CRPPA: variants seen among roughly 807,000 people sequenced by gnomAD.
CRPPA encodes D-ribitol-5-phosphate cytidylyltransferase.
CRPPA carries 43 observed loss-of-function variants against 52.0 expected under a neutral mutation model. The ratio of observed to expected loss-of-function variants is 0.83; its 90% confidence interval spans 0.65 to 1.07. CRPPA has a LOEUF of 1.07. Among genes scored for constraint, CRPPA ranks in the 50% least tolerant of loss-of-function variants. The pLI, the probability that CRPPA is intolerant of heterozygous loss-of-function variation, is 0.00. For synonymous variants in CRPPA, 250 were observed against 203.5 expected, an observed-to-expected ratio of 1.23 and a Z score of -1.94; for missense variants, 629 against 551.7, an observed-to-expected ratio of 1.14 and a Z score of -1.40.
At chr7:16,109,001 A>G (rs1782208604) in intron 9 of CRPPA, among the ~76,000 whole-genome samples, 1 of 151,888 alleles carries the variant, frequency 6.6e-6, no homozygotes, top group East Asian at 1.9e-4. Flanking sequence ...CAAGTGAACA[A>G]TCTAGTGTTA....
intron 3 of CRPPA, among the ~76,000 whole-genome samples, chr7:16,367,835 C>G (rs1351575544): frequency 6.6e-6 from 1 of 152,098 alleles, no homozygotes; most frequent in Non-Finnish European, 1.5e-5. Context: ...TTAAAAAATA[C>G]ACCTTCTCAA....
rs189474637 is a variant in CRPPA, at chr7:16,191,337, G to A, written c.1251+24729C>T. Among the ~76,000 whole-genome samples the A allele has an allele frequency of 1.4e-4, 22 of 152,180 alleles. No homozygotes were observed. In the East Asian group the frequency reaches 3.3e-3, roughly 23 times the overall value. On this transcript the variant is annotated intron_variant, in intron 9 of 9. Transcript: ENST00000407010. ...CCAGGATTTATCAGTTGAAAAATGC[G>A]TAATTATGAATTTAGAAATACCTTT...
At chr7:16,340,422 G>A (rs915100268) in intron 3 of CRPPA, among the ~76,000 whole-genome samples, 1 of 151,852 alleles carries the variant, frequency 6.6e-6, no homozygotes, top group Non-Finnish European at 1.5e-5. Context: ...ATAAAATAAT[G>A]AGCCCAAGAC....
intron 9 of CRPPA, among the ~76,000 whole-genome samples, chr7:16,188,951 G>A (rs1393764171): frequency 6.6e-6 from 1 of 152,024 alleles, no homozygotes; most frequent in Non-Finnish European, 1.5e-5. Context: ...AGCTCTTCTA[G>A]TCAGAATAAT....
intron 3 of CRPPA, among the ~76,000 whole-genome samples, chr7:16,333,563 G>C (rs1283457246): frequency 3.9e-5 from 6 of 152,184 alleles, no homozygotes; most frequent in Non-Finnish European, 8.8e-5. Flanking sequence ...TTGGTGGGAA[G>C]TTTATAAAAT....
At chr7:16,240,845 C>T (rs1370578766) in intron 8 of CRPPA, among the ~76,000 whole-genome samples, 2 of 151,976 alleles carry the variant, frequency 1.3e-5, no homozygotes, top group Non-Finnish European at 2.9e-5. Context: ...ACAGCATCAT[C>T]GATTTTTATA....
chr7:16,131,742 A>C (rs1782684446), intron 9 of CRPPA, among the ~76,000 whole-genome samples: 1 of 152,128 alleles, frequency 6.6e-6, no homozygotes, highest in African/African-American at 2.4e-5. Context: ...TACCATGCCC[A>C]GCTAATTTTT....
At chr7:16,327,001 C>G (rs1481964145) in intron 3 of CRPPA, among the ~76,000 whole-genome samples, 6 of 152,164 alleles carry the variant, frequency 3.9e-5, no homozygotes, top group Admixed American at 3.9e-4. Flanking sequence ...TACCATCTTT[C>G]CATGTTAGAA....
At chr7:16,335,674 T>C (rs1785663196) in intron 3 of CRPPA, among the ~76,000 whole-genome samples, 1 of 151,518 alleles carries the variant, frequency 6.6e-6, no homozygotes. Flanking sequence ...ATAATAGGAG[T>C]TCCTGAAAGA....
chr7:16,211,190 G>A (rs1171007099), intron 9 of CRPPA, among the ~76,000 whole-genome samples: 3 of 152,156 alleles, frequency 2.0e-5, no homozygotes, highest in East Asian at 3.9e-4. Context: ...CAAGCTTACC[G>A]CCATTCTCTA....
chr7:16,332,379 C>T (rs1785572659), intron 3 of CRPPA, among the ~76,000 whole-genome samples: 2 of 152,034 alleles, frequency 1.3e-5, no homozygotes, highest in South Asian at 4.1e-4. Context: ...AAGGTAAAAA[C>T]TCATTTTTAT....
At chr7:16,398,890 G>C (rs1483917683) in intron 2 of CRPPA, among the ~76,000 whole-genome samples, 1 of 152,112 alleles carries the variant, frequency 6.6e-6, no homozygotes, top group Non-Finnish European at 1.5e-5. Context: ...CACGTGATCA[G>C]CACATGTCCA....
intron 9 of CRPPA, among the ~76,000 whole-genome samples, chr7:16,207,346 A>G (rs576579779): frequency 6.6e-6 from 1 of 152,320 alleles, no homozygotes; most frequent in East Asian, 1.9e-4. Flanking sequence ...CTGACTTAGA[A>G]TGTCAAATCT....
intron 6 of CRPPA, chr7:16,270,488 A>G (rs1454868329): frequency 1.3e-5 from 2 of 152,182 alleles, no homozygotes; most frequent in Non-Finnish European, 2.9e-5. Flanking sequence ...TACAACATCA[A>G]TATAATTCAT....
intron 2 of CRPPA, among the ~76,000 whole-genome samples, chr7:16,379,466 A>G (rs1007133834): frequency 2.6e-5 from 4 of 152,124 alleles, no homozygotes; most frequent in Non-Finnish European, 5.9e-5. Flanking sequence ...TTGACTTGGC[A>G]ATGTGGGCTC....
chr7:16,396,108 CAA>C (rs1337597207), intron 2 of CRPPA, among the ~76,000 whole-genome samples: 3 of 152,100 alleles, frequency 2.0e-5, no homozygotes, highest in Non-Finnish European at 4.4e-5. Context: ...AAACAAGTAT[CAA>C]AGTTTCTCTA....
intron 2 of CRPPA, among the ~76,000 whole-genome samples, chr7:16,377,251 A>G (rs1301920893): frequency 6.6e-6 from 1 of 152,162 alleles, no homozygotes; most frequent in East Asian, 1.9e-4. Context: ...TTTGGAACCT[A>G]GGCATAAAAA....
chr7:16,269,487 A>G (rs1040213819), intron 6 of CRPPA: 3 of 152,306 alleles, frequency 2.0e-5, no homozygotes, highest in African/African-American at 7.2e-5. Context: ...GTCGGTGTAG[A>G]CTGCAGAAGA....
intron 2 of CRPPA, among the ~76,000 whole-genome samples, chr7:16,386,845 C>A (rs1051882031): frequency 2.6e-5 from 4 of 151,378 alleles, no homozygotes; most frequent in African/African-American, 9.7e-5. Flanking sequence ...ACAGGGGAAA[C>A]CCTGACTCTA....
Sources: gnomAD v4.1 joint callset for allele counts (sites outside exome capture counted in the v4.1 genomes callset) on GRCh38, gnomAD v4.1.1 for gene constraint, MANE v1.5 for transcripts, NCBI Gene and HGNC (gene_info 2026-07-23, HGNC 2026-07-21) for gene names.